ZC3H13: variants seen among roughly 807,000 people sequenced by gnomAD.
ZC3H13 encodes zinc finger CCCH domain-containing protein 13.
ZC3H13 carries 64 observed loss-of-function variants against 204.1 expected under a neutral mutation model. The ratio of observed to expected loss-of-function variants is 0.31; its 90% CI spans 0.26 to 0.39. The LOEUF (loss-of-function observed/expected upper bound fraction) is 0.39, where lower values mean the gene tolerates loss of function less well. Among genes scored for constraint, ZC3H13 ranks in the 10% least tolerant of loss-of-function variants. The probability of loss-of-function intolerance (pLI) is 1.00; values close to 1 mark genes in which losing one functional copy is unlikely to be tolerated. For missense variants in ZC3H13, 1,833 were observed against 2,082.7 expected (o/e 0.88, Z 2.33); for synonymous variants, 667 against 693.7 (o/e 0.96, Z 0.60).
intron 4 of ZC3H13, among the ~76,000 whole-genome samples, chr13:46,034,055 C>T (rs1713948212): frequency 6.6e-6 from 1 of 152,010 alleles, no homozygotes; most frequent in African/African-American, 2.4e-5. Context: ...AGCCAATAAA[C>T]ATATGAAAAG....
At chr13:45,958,081 G>A (rs927408755) in intron 18 of ZC3H13, among the ~76,000 whole-genome samples, 1 of 152,126 alleles carries the variant, frequency 6.6e-6, no homozygotes, top group Non-Finnish European at 1.5e-5. Context: ...TCTTGAACCA[G>A]ACTTTTAAGT....
At position 45,969,878 on chromosome 13, in the gene ZC3H13, C is replaced by G; in HGVS notation, c.2666G>C (p.Trp889Ser). The G allele has an allele frequency of 1.9e-6, 3 of 1,613,876 alleles. No homozygotes were observed. The highest frequency in any genetic ancestry group is 2.5e-6 in the Non-Finnish European group (3 of 1,179,988). ...TTCTGGTTTACGATCCTCCTCTTTCCATCTACCCTGTCTGTCTTCTGTGAG... is the reference window on the plus strand; with the variant it reads ...TTCTGGTTTACGATCCTCCTCTTTCGATCTACCCTGTCTGTCTTCTGTGAG... ...SHLTEDRQGR[W>S]KEEDRKPERK... Residue 889 changes from tryptophan (W) to serine (S), a missense_variant, in exon 14 of 19, where the codon TGG (tryptophan) becomes TCG (serine). Trp to Ser is a radical substitution (Grantham distance 177, BLOSUM62 -3). Around this residue, in one of 5 missense-constraint regions of ZC3H13, gnomAD observed 1,574 missense variants for 1,757.2 expected, o/e 0.90. Transcript: ENST00000679008.
chr13:45,960,640 G>A (rs1204195961), intron 17 of ZC3H13, among the ~76,000 whole-genome samples: 1 of 152,086 alleles, frequency 6.6e-6, no homozygotes, highest in Non-Finnish European at 1.5e-5. Flanking sequence ...AAGAGGTTAG[G>A]TTAAAAATAG....
intron 3 of ZC3H13, among the ~76,000 whole-genome samples, chr13:46,043,177 T>C (rs1190725392): frequency 6.6e-6 from 1 of 151,814 alleles, no homozygotes; most frequent in Non-Finnish European, 1.5e-5. Flanking sequence ...GTACTATATA[T>C]AAAAAAGATA....
chr13:46,036,853 G>T (rs2043240958), intron 4 of ZC3H13, among the ~76,000 whole-genome samples: 2 of 151,956 alleles, frequency 1.3e-5, no homozygotes, highest in Admixed American at 1.3e-4. Flanking sequence ...CGAGTAGCTG[G>T]GATTATAGGC....
chr13:46,049,636 T>A (rs999374112), intron 1 of ZC3H13, among the ~76,000 whole-genome samples: 1 of 152,188 alleles, frequency 6.6e-6, no homozygotes, highest in African/African-American at 2.4e-5. Flanking sequence ...TAAAACTAAA[T>A]GTTACCAACT....
intron 4 of ZC3H13, among the ~76,000 whole-genome samples, chr13:46,036,181 T>C (rs1222459190): frequency 6.7e-6 from 1 of 148,428 alleles, no homozygotes; most frequent in African/African-American, 2.5e-5. Context: ...AGATAGGGGA[T>C]GTCGGGGGGC....
In ZC3H13 at chr13:45,975,844, A is replaced by G; in HGVS notation, c.1913-6T>C. 1.9e-6 allele frequency: 3 copies of G among 1,605,172 alleles called. No homozygotes were observed. The highest frequency in any genetic ancestry group is 2.6e-6 in the Non-Finnish European group (3 of 1,173,846). On this transcript the variant is annotated splice_region_variant and splice_polypyrimidine_tract_variant and intron_variant, in intron 11 of 18. Coordinates refer to ENST00000679008, the MANE Select transcript of ZC3H13 (RefSeq NM_001330564.2). ...TGGTGAGCTTGGTCTTTGATCTACAATGAAAATCAAGTTTTGTCAGTGATT... is the reference window on the plus strand; with the variant it reads ...TGGTGAGCTTGGTCTTTGATCTACAGTGAAAATCAAGTTTTGTCAGTGATT...
chr13:45,975,498 T>A lies in ZC3H13; in HGVS notation c.2253A>T (p.Arg751=). 4 of 1,613,010 alleles carry A rather than the reference T, an allele frequency of 2.5e-6. No individual in the cohort carries two copies. Among genetic ancestry groups the A allele is most frequent in the Non-Finnish European group, 3.4e-6 (4 of 1,179,530 alleles). ...RERDREKERE[R]EREERERERE... The stretch of plus-strand genomic sequence containing the variant: ...TCTCCCTCTCTCTCTCTTCTCTTTC[T>A]CGTTCCCGTTCTTTTTCCCTGTCTC... The change falls in exon 12 of 19, where the codon CGA becomes CGT. Residue 751 remains arginine (R), a synonymous_variant. Coordinates refer to ENST00000679008, the MANE Select transcript of ZC3H13 (RefSeq NM_001330564.2).
rs552126878 is a variant in ZC3H13, at chr13:45,963,381, G to T, written c.4675+461C>A. The T allele has an allele frequency of 5.8e-5, 57 of 987,242 alleles. No individual in the cohort carries two copies. The South Asian group carries it at 2.4e-3, about 42-fold the overall frequency. 61.2% of individuals were successfully genotyped at this position (987,242 alleles called of 1,614,324 possible). A position where few individuals can be genotyped will look rare whatever the true frequency, so the allele number is the denominator to read the frequency against. On this transcript the variant is annotated intron_variant, in intron 17 of 18. Transcript: ENST00000679008. ...CCTGGCTCTGCTTCATTTAGCCAAG[G>T]GCAAACCACTGAGCACTTTGATATT...
chr13:45,991,671 A>G (rs2039980739), intron 8 of ZC3H13, among the ~76,000 whole-genome samples: 1 of 152,216 alleles, frequency 6.6e-6, no homozygotes, highest in Non-Finnish European at 1.5e-5. Flanking sequence ...TGAAATTCAA[A>G]TAAAGAAAAA....
In ZC3H13 at chr13:45,959,509, G is replaced by A. The variant is rs1394369163; in HGVS notation, c.4813C>T (p.Arg1605Ter). 7.1e-6 allele frequency: 11 copies of A among 1,541,858 alleles called. No individual in the cohort carries two copies. Among genetic ancestry groups the A allele is most frequent in the Admixed American group, 2.0e-5 (1 of 49,256 alleles). Residue 1605 changes from arginine (R) to a stop codon, truncating the protein, a stop_gained, in exon 18 of 19, where the codon CGA becomes TGA. Coordinates refer to ENST00000679008, the MANE Select transcript of ZC3H13 (RefSeq NM_001330564.2). LOFTEE classifies it high-confidence loss of function. ...ALCFRRDSAIRKQLVKNEKGT... is the reference protein window; with the variant it reads ...ALCFRRDSAI ...TTCTCATTTTTAACAAGCTGCTTTCGAATTGCAGAATCCCGTCTGAAGCAC... is the reference window on the plus strand; with the variant it reads ...TTCTCATTTTTAACAAGCTGCTTTCAAATTGCAGAATCCCGTCTGAAGCAC...
chr13:45,993,484 G>T (rs1247627191), intron 8 of ZC3H13, among the ~76,000 whole-genome samples: 1 of 152,166 alleles, frequency 6.6e-6, no homozygotes, highest in African/African-American at 2.4e-5. Flanking sequence ...ATAGAAAGAA[G>T]CCAAGTGGAA....
At chr13:46,014,580 A>G (rs2041797548) in intron 5 of ZC3H13, among the ~76,000 whole-genome samples, 1 of 152,188 alleles carries the variant, frequency 6.6e-6, no homozygotes, top group South Asian at 2.1e-4. Flanking sequence ...TTTAACCTCA[A>G]GCTGTCTGAG....
intron 8 of ZC3H13, among the ~76,000 whole-genome samples, chr13:45,999,796 G>A (rs2040607544): frequency 1.3e-5 from 2 of 149,648 alleles, no homozygotes; most frequent in Admixed American, 1.3e-4. Flanking sequence ...ACTATCTATG[G>A]CAGTTGTGGC....
At position 46,043,712 on chromosome 13, in the gene ZC3H13, T is replaced by C. The variant is rs143869702; in HGVS notation, c.227+1243A>G. ...AAAGAAGTTATCAGATGGAAAATCA[T>C]ACACAAAATAGCAAAATTATAATAA... On this transcript the variant is annotated intron_variant, in intron 3 of 18. Coordinates refer to ENST00000679008, the MANE Select transcript of ZC3H13 (RefSeq NM_001330564.2). Among the ~76,000 whole-genome samples, 765 of 152,054 alleles carry C rather than the reference T, an allele frequency of 5.0e-3. 5 individuals are homozygous for C. Among genetic ancestry groups the C allele is most frequent in the South Asian group, 0.021 (101 of 4,828 alleles).
intron 18 of ZC3H13, among the ~76,000 whole-genome samples, chr13:45,957,982 G>C (rs1951390082): frequency 6.6e-6 from 1 of 152,152 alleles, no homozygotes; most frequent in Non-Finnish European, 1.5e-5. Context: ...GAAGGGACCA[G>C]GGAATGTTAC....
intron 14 of ZC3H13, 31 bp downstream of exon 14, chr13:45,968,717 C>A (rs760224239): frequency 6.5e-7 from 1 of 1,542,516 alleles, no homozygotes; most frequent in Admixed American, 2.1e-5. Context: ...ACCTAGGAAA[C>A]AGTGACTAGA....
At chr13:46,026,866 T>A (rs139931147) in intron 4 of ZC3H13, among the ~76,000 whole-genome samples, 7 of 151,916 alleles carry the variant, frequency 4.6e-5, no homozygotes, top group Admixed American at 4.6e-4. Context: ...GTTCAACAAA[T>A]TCAACAACAA....
Sources: allele counts gnomAD v4.1 joint callset (sites outside exome capture counted in the v4.1 genomes callset), GRCh38; gene constraint gnomAD v4.1.1; regional missense constraint gnomAD v4.1.1; transcripts MANE v1.5; gene names NCBI Gene and HGNC (gene_info 2026-07-23, HGNC 2026-07-21).